The following SENP7 variants were observed in gnomAD, a reference collection of about 807,000 sequenced individuals.
The protein encoded by SENP7 is SUMO specific peptidase 7.
A neutral mutation model predicts 141.2 loss-of-function variants in SENP7; 64 were observed. The ratio of observed to expected loss-of-function variants is 0.45; its 90% confidence interval spans 0.37 to 0.56. The LOEUF is 0.56. Ranked by LOEUF, SENP7 falls within the 20% of genes least tolerant of loss-of-function variation. The probability of loss-of-function intolerance (pLI) is 0.00; values close to 1 mark genes in which losing one functional copy is unlikely to be tolerated. For synonymous variants in SENP7, 382 were observed against 426.4 expected (o/e 0.90, Z 1.28); for missense variants, 1,025 against 1,212.2 (o/e 0.85, Z 2.29).
chr3:101,414,474 CA>C (rs1325396627), intron 5 of SENP7: 1 of 1,492,022 alleles, frequency 6.7e-7, no homozygotes, highest in East Asian at 2.3e-5. Context: ...CCACGCAATG[CA>C]ACAACAAAGC....
At position 101,501,106 on chromosome 3, in the gene SENP7, T is replaced by G. The variant is rs773473103; in HGVS notation, c.54A>C (p.Glu18Asp). ...CAGAAGATGACTTTTTCCTTTTTCC[T>G]TCTGTGATGATTTCTACAAAAACCA... ...RRPSSSEIIT[E>D]GKRKKSSSDL... Residue 18 changes from glutamate (E) to aspartate (D), a missense_variant, in exon 2 of 24, where the codon GAA becomes GAC. By Grantham distance (45) the Glu-to-Asp change is conservative. Around this residue, in one of 4 missense-constraint regions of SENP7, gnomAD observed 496 missense variants for 503.5 expected, o/e 0.99. Coordinates refer to ENST00000394095, the MANE Select transcript of SENP7 (RefSeq NM_020654.5). 2 of 1,607,688 alleles carry G rather than the reference T, an allele frequency of 1.2e-6. No individual in the cohort carries two copies. Among genetic ancestry groups the G allele is most frequent in the Admixed American group, 3.4e-5 (2 of 59,040 alleles).
In SENP7 at chr3:101,472,791, G is replaced by A. The variant is rs557468304; in HGVS notation, c.187-13739C>T. ...AAAACTTTTAATTTCAGAGGTACCT[G>A]TGTAGGTTTGTTACATAGGTAAACT... On this transcript the variant is annotated intron_variant, in intron 3 of 23. Coordinates refer to ENST00000394095, the MANE Select transcript of SENP7 (RefSeq NM_020654.5). Among the ~76,000 whole-genome samples, 148 of 152,220 alleles carry A rather than the reference G, an allele frequency of 9.7e-4. 2 individuals are homozygous for A. Among genetic ancestry groups the A allele is most frequent in the African/African-American group, 3.1e-3 (130 of 41,514 alleles).
At chr3:101,473,546 C>T (rs2064096348) in intron 3 of SENP7, among the ~76,000 whole-genome samples, 1 of 152,088 alleles carries the variant, frequency 6.6e-6, no homozygotes, top group Non-Finnish European at 1.5e-5. Flanking sequence ...TGGAAAAGCA[C>T]TTGTTCATGC....
intron 9 of SENP7, among the ~76,000 whole-genome samples, chr3:101,365,628 C>G (rs2060017260): frequency 9.2e-6 from 1 of 108,462 alleles, no homozygotes; most frequent in Admixed American, 1.3e-4. Flanking sequence ...GAGAGAGACT[C>G]TGTCTCAAAA....
intron 4 of SENP7, among the ~76,000 whole-genome samples, chr3:101,429,957 G>T (rs2062101680): frequency 6.6e-6 from 1 of 152,088 alleles, no homozygotes; most frequent in Non-Finnish European, 1.5e-5. Context: ...TGTGGTTTTT[G>T]TCGTTGGTTC....
chr3:101,368,037 A>C (rs1245342854), intron 7 of SENP7, 26 bp from the exon 8 acceptor site: 1 of 1,561,512 alleles, frequency 6.4e-7, no homozygotes, highest in Admixed American at 1.8e-5. Context: ...AAGCATAAAT[A>C]TGGACAAAAA....
chr3:101,448,746 C>T (rs1406806837), intron 4 of SENP7, among the ~76,000 whole-genome samples: 1 of 152,042 alleles, frequency 6.6e-6, no homozygotes, highest in African/African-American at 2.4e-5. Flanking sequence ...CATCAAAGAC[C>T]AAAGGTAGAA....
intron 1 of SENP7, among the ~76,000 whole-genome samples, chr3:101,501,588 G>A (rs2065382709): frequency 6.7e-6 from 1 of 148,824 alleles, no homozygotes; most frequent in South Asian, 2.1e-4. Flanking sequence ...CATGCTTAGG[G>A]AACAGCTTAA....
intron 3 of SENP7, among the ~76,000 whole-genome samples, chr3:101,476,366 T>G (rs926317206): frequency 6.6e-6 from 1 of 152,102 alleles, no homozygotes; most frequent in African/African-American, 2.4e-5. Flanking sequence ...TTTCTGTTCC[T>G]GTGTTAGTTT....
intron 3 of SENP7, among the ~76,000 whole-genome samples, chr3:101,461,452 G>A (rs1276037190): frequency 6.6e-6 from 1 of 151,934 alleles, no homozygotes; most frequent in African/African-American, 2.4e-5. Flanking sequence ...TACCCACTAG[G>A]ATGAAGAATG....
At chr3:101,431,241 C>T (rs2062155608) in intron 4 of SENP7, among the ~76,000 whole-genome samples, 1 of 152,062 alleles carries the variant, frequency 6.6e-6, no homozygotes, top group Non-Finnish European at 1.5e-5. Context: ...TCCTTGTTAA[C>T]CTTCTGTCTC....
chr3:101,371,756 T>C (rs1433558839), intron 7 of SENP7, among the ~76,000 whole-genome samples: 4 of 152,122 alleles, frequency 2.6e-5, no homozygotes, highest in Non-Finnish European at 5.9e-5. Context: ...ACTTCATAGC[T>C]ATATCCAAGT....
At chr3:101,452,497 G>T (rs2063181127) in intron 4 of SENP7, among the ~76,000 whole-genome samples, 1 of 152,114 alleles carries the variant, frequency 6.6e-6, no homozygotes, top group African/African-American at 2.4e-5. Flanking sequence ...AAACAGCATG[G>T]TACTGGTACC....
chr3:101,475,727 G>A (rs780946196), intron 3 of SENP7, among the ~76,000 whole-genome samples: 4 of 151,840 alleles, frequency 2.6e-5, no homozygotes, highest in Non-Finnish European at 5.9e-5. Context: ...AAAATATATT[G>A]CAAAACTTGA....
chr3:101,387,366 C>A (rs1255243151), intron 6 of SENP7, among the ~76,000 whole-genome samples: 1 of 151,800 alleles, frequency 6.6e-6, no homozygotes, highest in African/African-American at 2.4e-5. Flanking sequence ...AAAACAGGCC[C>A]ACCCCACCCA....
intron 4 of SENP7, among the ~76,000 whole-genome samples, chr3:101,450,883 T>C (rs1394297972): frequency 2.6e-5 from 4 of 151,628 alleles, no homozygotes; most frequent in Admixed American, 6.6e-5. Context: ...CTGAAGGAAA[T>C]AGAGACCCAA....
intron 3 of SENP7, among the ~76,000 whole-genome samples, chr3:101,476,365 C>T (rs1180957695): frequency 6.6e-6 from 1 of 151,948 alleles, no homozygotes; most frequent in African/African-American, 2.4e-5. Flanking sequence ...TTTTCTGTTC[C>T]TGTGTTAGTT....
chr3:101,348,058 C>T lies in SENP7; in HGVS notation c.1658-7G>A, dbSNP rs745782542. The T allele has an allele frequency of 4.5e-6, 7 of 1,551,220 alleles. No homozygotes were observed. Among genetic ancestry groups the T allele is most frequent in the Non-Finnish European group, 6.1e-6 (7 of 1,151,044 alleles). ...GAAATCTCATTCAGGGACACTGAAACAAATAAAAGACAACAATTTAAAAAA... is the reference window on the plus strand; with the variant it reads ...GAAATCTCATTCAGGGACACTGAAATAAATAAAAGACAACAATTTAAAAAA... On this transcript the variant is annotated splice_polypyrimidine_tract_variant and splice_region_variant and intron_variant, in intron 12 of 23. Transcript: ENST00000394095.
intron 3 of SENP7, among the ~76,000 whole-genome samples, chr3:101,491,499 C>T (rs2064965621): frequency 6.6e-6 from 1 of 151,986 alleles, no homozygotes; most frequent in Admixed American, 6.6e-5. Context: ...CTCAAGAGAT[C>T]CTCCCACCTC....
Sources: gnomAD v4.1 joint callset for allele counts (sites outside exome capture counted in the v4.1 genomes callset) on GRCh38, gnomAD v4.1.1 for gene constraint, gnomAD v4.1.1 regional missense constraint, MANE v1.5 for transcripts, NCBI Gene and HGNC (gene_info 2026-07-23, HGNC 2026-07-21) for gene names.